The following ARHGEF28 variants were observed in gnomAD, a reference collection of about 807,000 sequenced individuals.
ARHGEF28 encodes 190 kDa guanine nucleotide exchange factor.
ARHGEF28 carries 152 observed loss-of-function variants against 206.6 expected under a neutral mutation model. The ratio of observed to expected loss-of-function variants is 0.74; its 90% CI spans 0.64 to 0.84. ARHGEF28 has a LOEUF of 0.84. Ranked by LOEUF, ARHGEF28 falls within the 40% of genes least tolerant of loss-of-function variation. The probability of loss-of-function intolerance (pLI) is 0.00; values close to 1 mark genes in which losing one functional copy is unlikely to be tolerated. For synonymous variants in ARHGEF28, 763 were observed against 776.4 expected, an observed-to-expected ratio of 0.98 and a Z score of 0.29; for missense variants, 2,028 against 2,073.2, an observed-to-expected ratio of 0.98 and a Z score of 0.42.
At chr5:73,835,667 G>A (rs546587987) in intron 10 of ARHGEF28, among the ~76,000 whole-genome samples, 20 of 152,116 alleles carry the variant, frequency 1.3e-4, no homozygotes, top group Admixed American at 1.2e-3. Context: ...ACCAGGAAAT[G>A]TAAGTGTTTC....
chr5:73,742,672 A>C (rs945693624), intron 2 of ARHGEF28, among the ~76,000 whole-genome samples: 15 of 150,384 alleles, frequency 1.0e-4, no homozygotes, highest in Non-Finnish European at 2.2e-4. Context: ...AAAATACAAA[A>C]ACTTAGCCGG....
rs1335225345 is a variant in ARHGEF28 at position 73,904,270 on chromosome 5, T to G, written c.4113+10T>G. The G allele has an allele frequency of 6.2e-7, 1 of 1,613,902 alleles. No individual in the cohort carries two copies. The highest frequency in any genetic ancestry group is 1.7e-5 in the Admixed American group (1 of 60,022). ...TTCTTCACAATCAGAGGTGAGCTGC[T>G]GCACATACCTTAAATGTATCACCAG... On this transcript the variant is annotated intron_variant, in intron 32 of 35. Transcript: ENST00000513042.
chr5:73,806,392 A>AGT (rs1265379493), intron 9 of ARHGEF28, among the ~76,000 whole-genome samples: 1 of 128,960 alleles, frequency 7.8e-6, no homozygotes, highest in African/African-American at 3.0e-5. Context: ...ATATATAGAT[A>AGT]TATATACATA....
intron 1 of ARHGEF28, among the ~76,000 whole-genome samples, chr5:73,652,307 T>C (rs1744885193): frequency 1.3e-5 from 2 of 152,224 alleles, no homozygotes; most frequent in Admixed American, 1.3e-4. Flanking sequence ...AGAAAATTCT[T>C]ACTGCTATAG....
chr5:73,788,070 T>C (rs1754263793), intron 7 of ARHGEF28, among the ~76,000 whole-genome samples: 1 of 152,122 alleles, frequency 6.6e-6, no homozygotes, highest in Admixed American at 6.5e-5. Flanking sequence ...TGCAACACAT[T>C]TGGCTCATAT....
chr5:73,867,798 T>G, intron 18 of ARHGEF28, 78 bp from the exon 19 acceptor site: 1 of 1,585,510 alleles, frequency 6.3e-7, no homozygotes, highest in Non-Finnish European at 8.6e-7. Flanking sequence ...AGGGTTTAGC[T>G]TTCTGGCTTT....
chr5:73,848,967 C>A lies in ARHGEF28; in HGVS notation c.1636-9C>A, dbSNP rs1290146999. The A allele has an allele frequency of 1.3e-6, 2 of 1,518,416 alleles. No homozygotes were observed. 94.1% of individuals were successfully genotyped at this position (1,518,416 alleles called of 1,614,324 possible). ...AAATTTTTAAACACTTTATTATAAT[C>A]TCTTTTAGGAATCACTGCTTTCTGG... On this transcript the variant is annotated splice_polypyrimidine_tract_variant and intron_variant, in intron 12 of 35. Transcript: ENST00000513042.
chr5:73,854,952 C>G (rs1311552533), intron 14 of ARHGEF28, among the ~76,000 whole-genome samples: 1 of 152,042 alleles, frequency 6.6e-6, no homozygotes, highest in Non-Finnish European at 1.5e-5. Context: ...TTTTAAATGT[C>G]TATTTACCTA....
chr5:73,713,209 G>C (rs1749356735), intron 2 of ARHGEF28, among the ~76,000 whole-genome samples: 1 of 152,162 alleles, frequency 6.6e-6, no homozygotes, highest in Non-Finnish European at 1.5e-5. Context: ...GGTCAGCCTG[G>C]TGGAACGTAT....
intron 29 of ARHGEF28, among the ~76,000 whole-genome samples, chr5:73,895,468 G>A (rs1761910350): frequency 3.3e-5 from 5 of 152,160 alleles, no homozygotes; most frequent in Admixed American, 2.6e-4. Context: ...ACAATGAGCG[G>A]TAGTGAGTGG....
chr5:73,780,835 C>T (rs1753807176), intron 7 of ARHGEF28, 90 bp downstream of exon 7: 27 of 1,424,390 alleles, frequency 1.9e-5, no homozygotes, highest in Non-Finnish European at 2.6e-5. Flanking sequence ...GTGAAGCCGG[C>T]CAGGAATCAA....
chr5:73,909,701 A>T lies in ARHGEF28; in HGVS notation c.4451A>T (p.Glu1484Val). Reference protein sequence around the residue: ...ERERECQSQEELLLRSRGELD... With the variant: ...ERERECQSQEVLLLRSRGELD... ...GAGCGGGAGTGCCAGTCGCAGGAGG[A>T]GCTGCTGCTGCGGAGCCGGGGCGAG... Residue 1484 changes from glutamate (E) to valine (V), a missense_variant, in exon 34 of 36, where the codon GAG becomes GTG. Physicochemically the swap from Glu to Val is moderately radical, Grantham distance 121 (BLOSUM62 -2). This residue lies in a region of ARHGEF28 where 803 missense variants were observed against 768.0 expected (regional missense o/e 1.05). Transcript: ENST00000513042. The T allele has an allele frequency of 2.0e-6, 3 of 1,532,360 alleles. No individual in the cohort carries two copies. The highest frequency in any genetic ancestry group is 2.6e-6 in the Non-Finnish European group (3 of 1,138,292). The allele number at this position is 1,532,360 out of a possible 1,614,324, so 94.9% of individuals were successfully genotyped here.
At chr5:73,894,928 C>T (rs55644534) in intron 29 of ARHGEF28, among the ~76,000 whole-genome samples, 17 of 151,502 alleles carry the variant, frequency 1.1e-4, no homozygotes, top group South Asian at 6.3e-4. Context: ...GTCTTCCAGG[C>T]GTAGGGAATG....
chr5:73,827,858 AATT>A (rs1188178741), intron 9 of ARHGEF28, among the ~76,000 whole-genome samples: 1 of 152,212 alleles, frequency 6.6e-6, no homozygotes, highest in East Asian at 1.9e-4. Flanking sequence ...TCTTATTGCA[AATT>A]ATTTCTATAT....
At position 73,722,709 on chromosome 5, in the gene ARHGEF28, T is replaced by C. The variant is rs1451336113; in HGVS notation, c.34-27128T>C. On this transcript the variant is annotated intron_variant, in intron 2 of 35. Coordinates refer to ENST00000513042, the MANE Select transcript of ARHGEF28 (RefSeq NM_001177693.2). ...AAATCCCTGATGAGAAACAGGCAGA[T>C]AGATATCTATTTTATGATAAATCCT... Among the ~76,000 whole-genome samples the C allele has an allele frequency of 2.0e-5, 3 of 152,230 alleles. No homozygotes were observed. The East Asian group carries it at 5.8e-4, about 29-fold the overall frequency.
intron 24 of ARHGEF28, among the ~76,000 whole-genome samples, chr5:73,885,257 T>C (rs1000113288): frequency 2.0e-5 from 3 of 152,054 alleles, no homozygotes; most frequent in African/African-American, 7.2e-5. Flanking sequence ...ATTGATTACC[T>C]ATGTCTAAGA....
intron 22 of ARHGEF28, among the ~76,000 whole-genome samples, chr5:73,881,500 A>G (rs1044528320): frequency 3.3e-5 from 5 of 152,150 alleles, no homozygotes; most frequent in African/African-American, 1.2e-4. Flanking sequence ...TATGAGTCAT[A>G]TATGTGTTTT....
At chr5:73,736,001 A>G (rs960774030) in intron 2 of ARHGEF28, among the ~76,000 whole-genome samples, 1 of 152,110 alleles carries the variant, frequency 6.6e-6, no homozygotes, top group Non-Finnish European at 1.5e-5. Context: ...TTCTCTTCCT[A>G]TTAGGCTGTG....
chr5:73,897,845 G>A (rs1762044012), intron 29 of ARHGEF28, 117 bp from the exon 30 acceptor site: 3 of 1,156,586 alleles, frequency 2.6e-6, no homozygotes, highest in Admixed American at 2.8e-5. Context: ...ATCATTTTTA[G>A]CCCCTGGGTC....
Sources: allele counts gnomAD v4.1 joint callset (sites outside exome capture counted in the v4.1 genomes callset), GRCh38; gene constraint gnomAD v4.1.1; regional missense constraint gnomAD v4.1.1; transcripts MANE v1.5; gene names NCBI Gene and HGNC (gene_info 2026-07-23, HGNC 2026-07-21).